Variants in EPAS1 observed in about 807,000 individuals in gnomAD.
EPAS1 encodes the protein endothelial PAS domain-containing protein 1.
In EPAS1, 23 loss-of-function variants were observed where a neutral mutation model predicts 87.9. The ratio of observed to expected loss-of-function variants is 0.26; its 90% CI spans 0.19 to 0.37. The LOEUF is 0.37. Among genes scored for constraint, EPAS1 ranks in the 10% least tolerant of loss-of-function variants. EPAS1 has a pLI of 1.00. For synonymous variants in EPAS1, 508 were observed against 444.3 expected (o/e 1.14, Z -1.80); for missense variants, 1,138 against 1,120.7 (o/e 1.02, Z -0.22).
At chr2:46,337,078 G>A (rs1052804964) in intron 1 of EPAS1, among the ~76,000 whole-genome samples, 2 of 152,240 alleles carry the variant, frequency 1.3e-5, no homozygotes, top group Admixed American at 6.5e-5. Context: ...CAGCTTTGAG[G>A]AATCCACAGA....
chr2:46,358,396 A>G (rs1258316417), intron 4 of EPAS1, among the ~76,000 whole-genome samples: 3 of 152,168 alleles, frequency 2.0e-5, no homozygotes, highest in African/African-American at 4.8e-5. Flanking sequence ...AAAGCTCTCT[A>G]AAAAGAGGAT....
chr2:46,368,668 G>A (rs962640276), intron 6 of EPAS1, among the ~76,000 whole-genome samples: 7 of 152,150 alleles, frequency 4.6e-5, no homozygotes, highest in African/African-American at 9.7e-5. Flanking sequence ...TTTCCTCTCC[G>A]TGTTATTGAT....
chr2:46,383,920 G>A (rs908318320), intron 15 of EPAS1, among the ~76,000 whole-genome samples: 5 of 152,154 alleles, frequency 3.3e-5, no homozygotes, highest in Non-Finnish European at 7.3e-5. Flanking sequence ...CCCATCGGAG[G>A]GGCAGAATGC....
At chr2:46,381,250 C>T (rs773594673) in intron 12 of EPAS1, 15 of 385,204 alleles carry the variant, frequency 3.9e-5, no homozygotes, top group African/African-American at 8.3e-5. Flanking sequence ...TCCCAGGGGC[C>T]GCTGGTACTT....
intron 1 of EPAS1, among the ~76,000 whole-genome samples, chr2:46,298,866 C>A (rs1382077553): frequency 2.0e-5 from 3 of 152,254 alleles, no homozygotes; most frequent in Non-Finnish European, 2.9e-5. Flanking sequence ...GCCTCAACTT[C>A]TGCAAATGTG....
intron 1 of EPAS1, among the ~76,000 whole-genome samples, chr2:46,337,558 C>T (rs539047819): frequency 1.3e-5 from 2 of 152,142 alleles, no homozygotes; most frequent in South Asian, 2.1e-4. Flanking sequence ...ATTCAACCGC[C>T]GTGCAATTTC....
intron 1 of EPAS1, among the ~76,000 whole-genome samples, chr2:46,329,142 T>A (rs1338139668): frequency 2.6e-5 from 4 of 152,230 alleles, no homozygotes; most frequent in Non-Finnish European, 1.5e-5. Flanking sequence ...ACATTTCTTT[T>A]CCTTAATAGG....
At chr2:46,342,530 C>T (rs1683932765) in intron 1 of EPAS1, among the ~76,000 whole-genome samples, 1 of 152,090 alleles carries the variant, frequency 6.6e-6, no homozygotes, top group African/African-American at 2.4e-5. Context: ...TGTTTTGATA[C>T]CTGAATGGCC....
At chr2:46,368,281 T>C (rs1026739970) in intron 6 of EPAS1, among the ~76,000 whole-genome samples, 1 of 151,984 alleles carries the variant, frequency 6.6e-6, no homozygotes, top group Non-Finnish European at 1.5e-5. Context: ...CCTGGAGGTG[T>C]CAGGGCTTGG....
At chr2:46,361,981 G>A (rs370633259) in intron 6 of EPAS1, among the ~76,000 whole-genome samples, 2 of 152,066 alleles carry the variant, frequency 1.3e-5, no homozygotes, top group African/African-American at 2.4e-5. Context: ...AGCAATGGCC[G>A]GCCCCAGGGA....
intron 2 of EPAS1, among the ~76,000 whole-genome samples, chr2:46,351,637 A>T (rs1430795681): frequency 1.3e-5 from 2 of 152,148 alleles, no homozygotes; most frequent in Non-Finnish European, 2.9e-5. Context: ...CCTTAGAAGG[A>T]AGGCCCCTGT....
intron 1 of EPAS1, among the ~76,000 whole-genome samples, chr2:46,318,403 C>T (rs746944792): frequency 6.6e-5 from 10 of 152,102 alleles, no homozygotes; most frequent in Non-Finnish European, 1.5e-4. Context: ...AAATGTGGCA[C>T]AGATATGAAG....
chr2:46,315,938 A>G (rs1382016139), intron 1 of EPAS1, among the ~76,000 whole-genome samples: 1 of 152,216 alleles, frequency 6.6e-6, no homozygotes, highest in Non-Finnish European at 1.5e-5. Context: ...TTTTCTTCTG[A>G]TTATAAAAAA....
chr2:46,351,440 C>T (rs1312211642), intron 2 of EPAS1, among the ~76,000 whole-genome samples: 1 of 152,150 alleles, frequency 6.6e-6, no homozygotes, highest in Admixed American at 6.5e-5. Flanking sequence ...CTGTCAAAGG[C>T]ATCAGAGGAG....
chr2:46,372,044 T>C (rs901784363), intron 7 of EPAS1, among the ~76,000 whole-genome samples: 5 of 152,234 alleles, frequency 3.3e-5, no homozygotes, highest in African/African-American at 1.2e-4. Context: ...AAATGGTTTA[T>C]GTTTTCTGCT....
intron 12 of EPAS1, chr2:46,381,103 C>T: frequency 2.8e-6 from 1 of 355,104 alleles, no homozygotes; most frequent in Non-Finnish European, 5.3e-6. Context: ...TTTTGGCTGC[C>T]CCCGGGTCCT....
intron 7 of EPAS1, 141 bp downstream of exon 7, chr2:46,370,074 C>T: frequency 1.4e-6 from 1 of 737,036 alleles, no homozygotes; most frequent in Non-Finnish European, 2.4e-6. Flanking sequence ...CTTATGCCCT[C>T]AAGATGGTTA....
intron 6 of EPAS1, among the ~76,000 whole-genome samples, chr2:46,368,563 G>A (rs896532947): frequency 1.3e-5 from 2 of 152,122 alleles, no homozygotes; most frequent in African/African-American, 4.8e-5. Flanking sequence ...AGGGCAATTT[G>A]GTCTGACAGA....
chr2:46,379,709 G>C (rs914046110), intron 11 of EPAS1: 9 of 182,164 alleles, frequency 4.9e-5, no homozygotes, highest in Non-Finnish European at 8.2e-5. Flanking sequence ...TGGAACCAAA[G>C]TCTCTGTCCC....
Sources: allele counts gnomAD v4.1 joint callset (sites outside exome capture counted in the v4.1 genomes callset), GRCh38; gene constraint gnomAD v4.1.1; transcripts MANE v1.5; gene names NCBI Gene and HGNC (gene_info 2026-07-23, HGNC 2026-07-21).